HOMER1: variants seen among roughly 807,000 people sequenced by gnomAD.
HOMER1 encodes homer protein homolog 1.
A neutral mutation model predicts 48.9 loss-of-function variants in HOMER1; 3 were observed. The ratio of observed to expected loss-of-function variants is 0.06; its 90% CI spans 0.03 to 0.16. The LOEUF (loss-of-function observed/expected upper bound fraction) is 0.16. Ranked by LOEUF, HOMER1 falls within the 10% of genes least tolerant of loss-of-function variation. The probability of loss-of-function intolerance (pLI) is 1.00; values close to 1 mark genes in which losing one functional copy is unlikely to be tolerated. For synonymous variants in HOMER1, 134 were observed against 146.4 expected (o/e 0.92, Z 0.61); for missense variants, 247 against 411.4 (o/e 0.60, Z 3.46).
intron 5 of HOMER1, among the ~76,000 whole-genome samples, chr5:79,432,342 G>T (rs557387896): frequency 1.1e-4 from 16 of 152,200 alleles, no homozygotes; most frequent in African/African-American, 3.6e-4. Context: ...ATTAATCTAG[G>T]ATCAATCTGT....
At chr5:79,490,192 C>T (rs1752229430) in intron 1 of HOMER1, among the ~76,000 whole-genome samples, 1 of 152,224 alleles carries the variant, frequency 6.6e-6, no homozygotes, top group East Asian at 1.9e-4. Context: ...AATTTATAGA[C>T]AAGGCAATCC....
intron 1 of HOMER1, among the ~76,000 whole-genome samples, chr5:79,457,342 C>G (rs73122358): frequency 0.05 from 7,582 of 152,234 alleles, 251 homozygotes; most frequent in Middle Eastern, 0.082. Context: ...CCATGCATCA[C>G]CTGACATGGC....
chr5:79,460,312 T>C (rs1165510701), intron 1 of HOMER1, among the ~76,000 whole-genome samples: 4 of 152,150 alleles, frequency 2.6e-5, no homozygotes, highest in Admixed American at 6.5e-5. Flanking sequence ...TCTGGCGTGG[T>C]GGTGCACACC....
intron 1 of HOMER1, among the ~76,000 whole-genome samples, chr5:79,480,202 A>C (rs564895131): frequency 3.2e-4 from 48 of 152,350 alleles, no homozygotes; most frequent in Admixed American, 5.9e-4. Flanking sequence ...ACAACAGAAG[A>C]AGCAGCAGCA....
chr5:79,463,368 G>A (rs149793966), intron 1 of HOMER1, among the ~76,000 whole-genome samples: 17 of 152,260 alleles, frequency 1.1e-4, no homozygotes, highest in African/African-American at 2.4e-4. Flanking sequence ...TCTCTGAAAC[G>A]GTATGTTTGC....
chr5:79,478,063 G>A (rs1751834272), intron 1 of HOMER1, among the ~76,000 whole-genome samples: 1 of 152,048 alleles, frequency 6.6e-6, no homozygotes, highest in Non-Finnish European at 1.5e-5. Context: ...AAGCAGAAAT[G>A]GCATTTTAAC....
intron 4 of HOMER1, among the ~76,000 whole-genome samples, chr5:79,443,971 T>C (rs1187907288): frequency 6.6e-6 from 1 of 152,224 alleles, no homozygotes; most frequent in Non-Finnish European, 1.5e-5. Context: ...ATATCTAGGT[T>C]TGTCTGACTC....
intron 8 of HOMER1, among the ~76,000 whole-genome samples, chr5:79,389,107 T>C (rs1026784747): frequency 2.0e-5 from 3 of 152,064 alleles, no homozygotes; most frequent in East Asian, 1.9e-4. Flanking sequence ...CCAAAACTTA[T>C]AAGGCAAGAG....
At chr5:79,463,590 T>C (rs1267816393) in intron 1 of HOMER1, among the ~76,000 whole-genome samples, 1 of 152,188 alleles carries the variant, frequency 6.6e-6, no homozygotes, top group Non-Finnish European at 1.5e-5. Flanking sequence ...TAAAAAACTA[T>C]GCAAATGAAA....
rs190065672 is a variant in HOMER1, at chr5:79,410,258, G to A, written c.528-8203C>T. The stretch of plus-strand genomic sequence containing the variant: ...TGTAATCCCAGCACTTTGGGAGGCC[G>A]AGGCGGGCGAACCACCTGAGGCCAG... On this transcript the variant is annotated intron_variant, in intron 5 of 8. Transcript: ENST00000334082. Among the ~76,000 whole-genome samples, 353 of 152,022 alleles carry A rather than the reference G, an allele frequency of 2.3e-3. 1 individual carries two copies. The highest frequency in any genetic ancestry group is 8.1e-3 in the African/African-American group (336 of 41,482).
chr5:79,381,440 A>T (rs966886719), intron 8 of HOMER1, among the ~76,000 whole-genome samples: 2 of 151,654 alleles, frequency 1.3e-5, no homozygotes, highest in African/African-American at 4.9e-5. Context: ...TACATAAAAC[A>T]TGAGAACGCA....
At chr5:79,424,768 A>C (rs1036498026) in intron 5 of HOMER1, among the ~76,000 whole-genome samples, 1 of 152,100 alleles carries the variant, frequency 6.6e-6, no homozygotes, top group African/African-American at 2.4e-5. Flanking sequence ...GTCCAGGAAG[A>C]TCAGGTTGCT....
chr5:79,483,667 A>T (rs1415716669), intron 1 of HOMER1, among the ~76,000 whole-genome samples: 1 of 152,058 alleles, frequency 6.6e-6, no homozygotes, highest in Non-Finnish European at 1.5e-5. Context: ...AAAGGAATGA[A>T]GAGCACCAAA....
chr5:79,457,404 T>C (rs971143742), intron 1 of HOMER1, among the ~76,000 whole-genome samples: 13 of 152,228 alleles, frequency 8.5e-5, no homozygotes, highest in Admixed American at 5.9e-4. Flanking sequence ...GTTTCAGTTC[T>C]CATACTACAT....
chr5:79,425,244 G>C (rs142054333), intron 5 of HOMER1, among the ~76,000 whole-genome samples: 26 of 151,148 alleles, frequency 1.7e-4, no homozygotes, highest in African/African-American at 6.1e-4. Context: ...GCTGTCTCCG[G>C]AGTAGGAAAA....
rs555209301 is a variant in HOMER1, at chr5:79,417,762, C to T, written c.528-15707G>A. On this transcript the variant is annotated intron_variant, in intron 5 of 8. Coordinates refer to ENST00000334082, the MANE Select transcript of HOMER1 (RefSeq NM_004272.5). ...TTTGGAGACAAAAATGCCACTATTT[C>T]CTTGCAGAGTAGGTCACTTAAGGAA... is the stretch of plus-strand genomic sequence containing the variant. 3.3e-5 allele frequency among the ~76,000 whole-genome samples: 5 copies of T among 152,190 alleles called. No individual in the cohort carries two copies. The South Asian group carries it at 8.3e-4, about 25-fold the overall frequency.
intron 5 of HOMER1, among the ~76,000 whole-genome samples, chr5:79,410,500 AAAAAAAAG>A (rs1468767220): frequency 2.6e-5 from 4 of 151,704 alleles, no homozygotes; most frequent in African/African-American, 4.8e-5. Context: ...AAAAAAAAAA[AAAAAAAAG>A]AAAAAAGAAA....
chr5:79,379,107 T>TATATA (rs1561340255), intron 8 of HOMER1, among the ~76,000 whole-genome samples: 7 of 96,512 alleles, frequency 7.3e-5, no homozygotes, highest in Admixed American at 1.3e-4. Flanking sequence ...TATATATATA[T>TATATA]ATATATAAAA....
intron 5 of HOMER1, among the ~76,000 whole-genome samples, chr5:79,430,986 CAAGAA>C (rs1750407756): frequency 1.3e-5 from 2 of 151,450 alleles, no homozygotes; most frequent in Non-Finnish European, 3.0e-5. Context: ...GAATATCAGA[CAAGAA>C]AAGGAAATGA....
Sources: allele counts gnomAD v4.1 joint callset (sites outside exome capture counted in the v4.1 genomes callset), GRCh38; gene constraint gnomAD v4.1.1; transcripts MANE v1.5; gene names NCBI Gene and HGNC (gene_info 2026-07-23, HGNC 2026-07-21).